SYNE2: variants seen among roughly 807,000 people sequenced by gnomAD.
SYNE2 encodes nesprin-2.
A neutral mutation model predicts 856.3 loss-of-function variants in SYNE2; 431 were observed. The ratio of observed to expected loss-of-function variants is 0.50; its 90% CI spans 0.47 to 0.55. The LOEUF is 0.55. Among genes scored for constraint, SYNE2 ranks in the 20% least tolerant of loss-of-function variants. The pLI, the probability that SYNE2 is intolerant of heterozygous loss-of-function variation, is 0.00. For missense variants in SYNE2, 8,129 were observed against 8,023.2 expected (o/e 1.01, Z -0.50); for synonymous variants, 2,923 against 2,872.3 (o/e 1.02, Z -0.56).
rs765475277 is a variant in SYNE2 at position 64,056,133 on chromosome 14, G to A, written c.9934G>A (p.Asp3312Asn). The A allele has an allele frequency of 1.2e-6, 2 of 1,613,926 alleles. No homozygotes were observed. Among genetic ancestry groups the A allele is most frequent in the Admixed American group, 3.3e-5 (2 of 59,978 alleles). The change falls in exon 49 of 116, where the codon GAC becomes AAC. Residue 3312 changes from aspartate (D) to asparagine (N), a missense_variant. Transcript: ENST00000555002. ...ELESTVAHIQ[D>N]LTEKLGMISS... ...GGAATCCACAGTAGCACACATCCAG[G>A]ACCTCACTGAGAAACTGGGAATGAT...
At chr14:63,995,320 C>T in intron 23 of SYNE2, 118 bp downstream of exon 23, 1 of 788,450 alleles carries the variant, frequency 1.3e-6, no homozygotes, top group East Asian at 2.8e-5. Flanking sequence ...GCCCTCCTCT[C>T]CCCGGGGATG....
At chr14:63,870,941 C>A (rs1338366904) in intron 1 of SYNE2, among the ~76,000 whole-genome samples, 1 of 152,160 alleles carries the variant, frequency 6.6e-6, no homozygotes, top group Non-Finnish European at 1.5e-5. Flanking sequence ...ATCCCAGATT[C>A]ATTTATTTTC....
chr14:63,811,115 G>A (rs1468561436), intron 1 of SYNE2, among the ~76,000 whole-genome samples: 2 of 151,832 alleles, frequency 1.3e-5, no homozygotes, highest in African/African-American at 2.4e-5. Context: ...GATTACAGAC[G>A]TGAGCCACCA....
rs2098388626 is a variant in SYNE2 at position 64,167,737 on chromosome 14, C to A, written c.16905+98C>A. On this transcript the variant is annotated intron_variant, in intron 92 of 115. Transcript: ENST00000555002. ...AAACACAGGGAGTGTACCTATCAGT[C>A]CCTAAACACAGAATGTATACCTTTA... 4 of 1,527,572 alleles carry A rather than the reference C, an allele frequency of 2.6e-6. No individual in the cohort carries two copies. In the African/African-American group the frequency reaches 4.1e-5, roughly 16 times the overall value. 94.6% of individuals were successfully genotyped at this position (1,527,572 alleles called of 1,614,324 possible).
chr14:63,814,402 C>T (rs1461189664), intron 1 of SYNE2, among the ~76,000 whole-genome samples: 1 of 140,052 alleles, frequency 7.1e-6, no homozygotes, highest in East Asian at 2.1e-4. Context: ...TATCCATAAA[C>T]ATATCCATAT....
chr14:63,929,627 T>C (rs915854184), intron 2 of SYNE2, among the ~76,000 whole-genome samples: 2 of 151,760 alleles, frequency 1.3e-5, no homozygotes, highest in Non-Finnish European at 2.9e-5. Context: ...AAAAATTAGC[T>C]GGGCGTGGGG....
intron 64 of SYNE2, among the ~76,000 whole-genome samples, chr14:64,102,501 ATTTTTTTT>A (rs1211142346): frequency 1.7e-5 from 2 of 118,268 alleles, no homozygotes; most frequent in Non-Finnish European, 3.4e-5. Context: ...CATGGGCTGA[ATTTTTTTT>A]TTTTTTTTTT....
chr14:63,910,662 T>G (rs1043846203), intron 2 of SYNE2, among the ~76,000 whole-genome samples: 3 of 152,234 alleles, frequency 2.0e-5, no homozygotes, highest in African/African-American at 7.2e-5. Context: ...AGTCACTGAT[T>G]CTTTGAACTT....
At chr14:64,221,475 G>A in intron 111 of SYNE2, 101 bp from the exon 112 acceptor site, 1 of 1,610,354 alleles carries the variant, frequency 6.2e-7, no homozygotes. Flanking sequence ...GGCCAGAAAA[G>A]CAAATGACTG....
chr14:64,002,725 C>T lies in SYNE2; in HGVS notation c.3792C>T (p.Ile1264=), dbSNP rs970964370. 13 of 1,611,586 alleles carry T rather than the reference C, an allele frequency of 8.1e-6. No homozygotes were observed. The highest frequency in any genetic ancestry group is 1.1e-5 in the Non-Finnish European group (13 of 1,179,750). ...TTTTCTTATCTTTATTTTAGAATAT[C>T]CAAGATTCCATAGCAAAACAGATTG... ...ADRIYQHLRN[I]QDSIAKQIEI... The change falls in exon 30 of 116, where the codon ATC becomes ATT. Residue 1264 remains isoleucine (I), a synonymous_variant. Coordinates refer to ENST00000555002, the MANE Select transcript of SYNE2 (RefSeq NM_182914.3).
In SYNE2 at chr14:64,101,985, G is replaced by A; in HGVS notation, c.12435G>A (p.Lys4145=). 1 of 1,614,140 alleles carries A rather than the reference G, an allele frequency of 6.2e-7. No individual in the cohort carries two copies. Among genetic ancestry groups the A allele is most frequent in the Non-Finnish European group, 8.5e-7 (1 of 1,180,004 alleles). Reference sequence around the variant, plus strand: ...CTCAGTCTTGGTCTTCACTTTGGAAGCATGACAAGGACATGGAAGAAGACA... The same window carrying A: ...CTCAGTCTTGGTCTTCACTTTGGAAACATGACAAGGACATGGAAGAAGACA... ...PSPQSWSSLW[K]HDKDMEEDRA... is the part of the protein sequence containing the mutation. The change falls in exon 64 of 116, where the codon AAG becomes AAA. Residue 4145 remains lysine, a synonymous_variant. Transcript: ENST00000555002.
chr14:63,789,544 G>A (rs750448577), intron 1 of SYNE2, among the ~76,000 whole-genome samples: 2 of 152,090 alleles, frequency 1.3e-5, no homozygotes, highest in South Asian at 2.1e-4. Flanking sequence ...CACTTTGGGA[G>A]GCCAAGGCAG....
intron 2 of SYNE2, 77 bp from the exon 3 acceptor site, chr14:63,940,537 A>C (rs2095898749): frequency 7.5e-7 from 1 of 1,336,280 alleles, no homozygotes. Context: ...AGCGTGACAG[A>C]CCTTTGAAGC....
chr14:64,015,156 T>G (rs944596653), intron 32 of SYNE2, among the ~76,000 whole-genome samples: 3 of 150,524 alleles, frequency 2.0e-5, no homozygotes, highest in African/African-American at 7.3e-5. Context: ...TGTGTAAATA[T>G]CCTTGAGAGA....
At chr14:63,869,647 A>C (rs1749620934) in intron 1 of SYNE2, among the ~76,000 whole-genome samples, 1 of 151,276 alleles carries the variant, frequency 6.6e-6, no homozygotes, top group Non-Finnish European at 1.5e-5. Context: ...AAAAAAAAAA[A>C]AAAAAAAAAA....
chr14:63,881,494 A>G (rs2094863518), intron 1 of SYNE2, among the ~76,000 whole-genome samples: 1 of 151,702 alleles, frequency 6.6e-6, no homozygotes, highest in East Asian at 1.9e-4. Flanking sequence ...ACAATAAATA[A>G]ACAAAACAAA....
intron 1 of SYNE2, among the ~76,000 whole-genome samples, chr14:63,798,342 A>G (rs1031737730): frequency 6.6e-6 from 1 of 151,126 alleles, no homozygotes; most frequent in African/African-American, 2.4e-5. Flanking sequence ...GACCCTCTGC[A>G]TCTAGCTTTC....
At chr14:63,987,460 T>C (rs187409883) in intron 19 of SYNE2, among the ~76,000 whole-genome samples, 84 of 152,304 alleles carry the variant, frequency 5.5e-4, no homozygotes, top group African/African-American at 1.8e-3. Context: ...GGAGTTATCA[T>C]TGAGGTTTTT....
chr14:63,850,245 C>CTTTT (rs34763098), upstream of SYNE2, among the ~76,000 whole-genome samples: 6 of 112,502 alleles, frequency 5.3e-5, no homozygotes, highest in East Asian at 8.7e-4. Flanking sequence ...CCACACCTAG[C>CTTTT]TTTTTTTTTT....
Sources: allele counts gnomAD v4.1 joint callset (sites outside exome capture counted in the v4.1 genomes callset), GRCh38; gene constraint gnomAD v4.1.1; transcripts MANE v1.5; gene names NCBI Gene and HGNC (gene_info 2026-07-23, HGNC 2026-07-21).